Variants in TMEM154 observed in about 807,000 individuals in gnomAD.
TMEM154 encodes the protein transmembrane protein 154.
In TMEM154, 27 loss-of-function variants were observed where a neutral mutation model predicts 24.5. The ratio of observed to expected loss-of-function variants is 1.10; its 90% confidence interval spans 0.81 to 1.52. The LOEUF (loss-of-function observed/expected upper bound fraction) is 1.52, where lower values mean the gene tolerates loss of function less well. TMEM154 is among the 40% of genes most tolerant of loss of function. The probability of loss-of-function intolerance (pLI) is 0.00; values close to 1 mark genes in which losing one functional copy is unlikely to be tolerated. For missense variants in TMEM154, 228 were observed against 213.4 expected (o/e 1.07, Z -0.43); for synonymous variants, 67 against 76.8 (o/e 0.87, Z 0.67).
intron 1 of TMEM154, among the ~76,000 whole-genome samples, chr4:152,675,663 C>T (rs1728940882): frequency 6.6e-6 from 1 of 151,980 alleles, no homozygotes; most frequent in Admixed American, 6.6e-5. Flanking sequence ...TCTAGAAATG[C>T]CAAATAATGA....
chr4:152,655,384 C>T (rs953402500), intron 1 of TMEM154, among the ~76,000 whole-genome samples: 10 of 152,214 alleles, frequency 6.6e-5, no homozygotes, highest in Admixed American at 4.6e-4. Context: ...ACACTGAGAG[C>T]GCCTGTACAC....
chr4:152,642,997 A>T (rs1752286156), intron 5 of TMEM154, 91 bp downstream of exon 5: 2 of 944,290 alleles, frequency 2.1e-6, no homozygotes, highest in Non-Finnish European at 3.3e-6. Flanking sequence ...CTTCTGTCTC[A>T]CTCCAGGATT....
At chr4:152,636,032 G>A (rs538094197) in intron 6 of TMEM154, among the ~76,000 whole-genome samples, 33 of 152,230 alleles carry the variant, frequency 2.2e-4, no homozygotes, top group African/African-American at 3.6e-4. Flanking sequence ...TCAGGAAACC[G>A]TCTAACTACA....
At chr4:152,652,250 G>A (rs1218098712) in intron 3 of TMEM154, among the ~76,000 whole-genome samples, 2 of 148,020 alleles carry the variant, frequency 1.4e-5, no homozygotes, top group African/African-American at 5.0e-5. Context: ...TGAGGCAATG[G>A]TTGCCATAAA....
chr4:152,672,385 A>G (rs1342478607), intron 1 of TMEM154, among the ~76,000 whole-genome samples: 1 of 152,248 alleles, frequency 6.6e-6, no homozygotes, highest in Admixed American at 6.5e-5. Flanking sequence ...AATCAGAGTC[A>G]CAGTAGGGGA....
In TMEM154 at chr4:152,619,832, T is replaced by C. The variant is rs935202875; in HGVS notation, c.*8714A>G. On this transcript the variant is annotated 3_prime_UTR_variant, in exon 7 of 7. Coordinates refer to ENST00000304385, the MANE Select transcript of TMEM154 (RefSeq NM_152680.3). ...CCAGCCAATGCCGTGTGGGAGAGAG[T>C]TGAACCATTTGCACTGAGCCTCATG... is the stretch of plus-strand genomic sequence containing the variant. The C allele has an allele frequency of 6.6e-6, 1 of 152,072 alleles. No individual in the cohort carries two copies. The highest frequency in any genetic ancestry group is 2.4e-5 in the African/African-American group (1 of 41,412). 9.4% of individuals were successfully genotyped at this position (152,072 alleles called of 1,614,324 possible). A position where few individuals can be genotyped will look rare whatever the true frequency, so the allele number is the denominator to read the frequency against.
chr4:152,678,560 G>A (rs959334259), intron 1 of TMEM154, among the ~76,000 whole-genome samples: 1 of 146,132 alleles, frequency 6.8e-6, no homozygotes, highest in Admixed American at 6.9e-5. Flanking sequence ...GTGGTGGGGG[G>A]TGGAGGAGCT....
chr4:152,645,289 T>A (rs1023164613), intron 3 of TMEM154, among the ~76,000 whole-genome samples: 3 of 152,232 alleles, frequency 2.0e-5, no homozygotes, highest in Admixed American at 6.5e-5. Context: ...TTAACCTCAA[T>A]TGTCCAGCAC....
rs13118583 is a variant in TMEM154, at chr4:152,628,227, T to G, written c.*319A>C. On this transcript the variant is annotated 3_prime_UTR_variant, in exon 7 of 7. Transcript: ENST00000304385. ...AACATTTATCATGACCAGAGTGAGT[T>G]CAGTGAGCTAGAAGTTGGCTGAGAG... 0.97 allele frequency: 411,700 copies of G among 425,112 alleles called. 199,526 individuals are homozygous for G. Among genetic ancestry groups the G allele is most frequent in the East Asian group, 0.98 (21,881 of 22,274 alleles). The allele number at this position is 425,112 out of a possible 1,614,324, so 26.3% of individuals were successfully genotyped here. A position where few individuals can be genotyped will look rare whatever the true frequency, so the allele number is the denominator to read the frequency against.
intron 3 of TMEM154, 99 bp downstream of exon 3, chr4:152,652,439 T>TTACTATTA: frequency 2.0e-6 from 3 of 1,525,830 alleles, no homozygotes; most frequent in Non-Finnish European, 2.6e-6. Context: ...TATTTATCAC[T>TTACTATTA]TACTATTATA....
intron 1 of TMEM154, among the ~76,000 whole-genome samples, chr4:152,664,146 T>C (rs563218533): frequency 6.6e-6 from 1 of 152,288 alleles, no homozygotes; most frequent in Admixed American, 6.5e-5. Context: ...AATGATAGAC[T>C]GGATAAAGAA....
chr4:152,650,795 T>C (rs1728363080), intron 3 of TMEM154, among the ~76,000 whole-genome samples: 1 of 152,222 alleles, frequency 6.6e-6, no homozygotes, highest in Admixed American at 6.5e-5. Flanking sequence ...GCAGAATGGA[T>C]ATTGTATCAG....
intron 1 of TMEM154, among the ~76,000 whole-genome samples, chr4:152,672,028 GA>G (rs2149790933): frequency 6.6e-6 from 1 of 151,126 alleles, no homozygotes; most frequent in African/African-American, 2.4e-5. Flanking sequence ...GTCTAAGTGG[GA>G]GGACGGCTTG....
At chr4:152,672,353 T>C (rs1728858972) in intron 1 of TMEM154, among the ~76,000 whole-genome samples, 1 of 152,102 alleles carries the variant, frequency 6.6e-6, no homozygotes, top group South Asian at 2.1e-4. Context: ...GAAAGATTCA[T>C]AACCAAACAC....
chr4:152,646,946 A>G lies in TMEM154; in HGVS notation c.365-2504T>C, dbSNP rs150849231. 4.3e-6 allele frequency: 3 copies of G among 703,346 alleles called. No individual in the cohort carries two copies. In the African/African-American group the frequency reaches 5.2e-5, roughly 12 times the overall value. The allele number at this position is 703,346 out of a possible 1,614,324, so 43.6% of individuals were successfully genotyped here. ...CCGCTGTTTTCCCTGCAGCTCTTTC[A>G]GAGAGACCTCACACATCAAGACACT... On this transcript the variant is annotated intron_variant, in intron 3 of 6. Coordinates refer to ENST00000304385, the MANE Select transcript of TMEM154 (RefSeq NM_152680.3).
chr4:152,676,589 A>G (rs1257858614), intron 1 of TMEM154, among the ~76,000 whole-genome samples: 2 of 152,244 alleles, frequency 1.3e-5, no homozygotes, highest in East Asian at 3.8e-4. Context: ...CATTTAGAAT[A>G]GTGCCTGACC....
At chr4:152,675,288 A>G (rs1002861390) in intron 1 of TMEM154, among the ~76,000 whole-genome samples, 4 of 54,308 alleles carry the variant, frequency 7.4e-5, no homozygotes, top group Non-Finnish European at 3.2e-4. Flanking sequence ...AAAAGAAGGA[A>G]TAAATAACAC....
rs1250814305 is a variant in TMEM154, at chr4:152,635,804, A to G, written c.536+5124T>C. 1.1e-4 allele frequency among the ~76,000 whole-genome samples: 16 copies of G among 152,262 alleles called. 1 individual carries two copies. Among genetic ancestry groups the G allele is most frequent in the Admixed American group, 1.0e-3 (16 of 15,286 alleles). Reference sequence around the variant, plus strand: ...GAAAATGTGATGTAAATGTCTTACTATTGCTGTAATTATTACTGTATTTTC... The same window carrying G: ...GAAAATGTGATGTAAATGTCTTACTGTTGCTGTAATTATTACTGTATTTTC... On this transcript the variant is annotated intron_variant, in intron 6 of 6. Transcript: ENST00000304385.
Position 152,624,679 on chromosome 4 carries a change from CA to C in TMEM154, c.*3866del, listed in dbSNP as rs1751889914. 1.3e-5 allele frequency: 2 copies of C among 151,972 alleles called. No individual in the cohort carries two copies. The highest frequency in any genetic ancestry group is 4.8e-5 in the African/African-American group (2 of 41,364). 9.4% of individuals were successfully genotyped at this position (151,972 alleles called of 1,614,324 possible). ...AAGGAAATAAAACTTTGGTGCCAGA[CA>C]AGACAGTATCAAGATAAAGCCAAAG... On this transcript the variant is annotated 3_prime_UTR_variant, in exon 7 of 7. Coordinates refer to ENST00000304385, the MANE Select transcript of TMEM154 (RefSeq NM_152680.3).
Sources: allele counts gnomAD v4.1 joint callset (sites outside exome capture counted in the v4.1 genomes callset), GRCh38; gene constraint gnomAD v4.1.1; transcripts MANE v1.5; gene names NCBI Gene and HGNC (gene_info 2026-07-23, HGNC 2026-07-21).